ZDHHC15: variants seen among roughly 807,000 people sequenced by gnomAD.
ZDHHC15 encodes the protein palmitoyltransferase ZDHHC15.
ZDHHC15 carries 19 observed loss-of-function variants against 31.7 expected under a neutral mutation model. The observed-to-expected ratio is 0.60, with a 90% CI of 0.42 to 0.88. The LOEUF is 0.88. ZDHHC15 is among the 40% of genes least tolerant of loss of function. ZDHHC15 has a pLI of 0.00. For missense variants in ZDHHC15, 209 were observed against 251.2 expected (o/e 0.83, Z 1.14); for synonymous variants, 103 against 90.0 (o/e 1.14, Z -0.82).
intron 3 of ZDHHC15, among the ~76,000 whole-genome samples, chrX:75,467,056 A>T (rs1374580709): frequency 8.9e-6 from 1 of 112,311 alleles, no homozygotes; most frequent in African/African-American, 3.2e-5. Flanking sequence ...ATAAAAGTTT[A>T]AGACAAAGAA....
At chrX:75,518,769 G>GTATGTATATA (rs1556069823) in intron 1 of ZDHHC15, among the ~76,000 whole-genome samples, 1 of 32,586 alleles carries the variant, frequency 3.1e-5, no homozygotes, top group African/African-American at 1.8e-4. Flanking sequence ...TAACAAACTG[G>GTATGTATATA]TATATATATA....
At chrX:75,489,529 T>C (rs1021294884) in intron 2 of ZDHHC15, among the ~76,000 whole-genome samples, 1 of 110,841 alleles carries the variant, frequency 9.0e-6, no homozygotes, top group Non-Finnish European at 1.9e-5. Flanking sequence ...CAGCTGAGGG[T>C]CCTCACTGTT....
intron 4 of ZDHHC15, among the ~76,000 whole-genome samples, chrX:75,434,246 CACAT>C (rs1191721961): frequency 9.0e-6 from 1 of 111,323 alleles, no homozygotes; most frequent in Admixed American, 9.6e-5. Flanking sequence ...CGTCCCTTGT[CACAT>C]GCATAGTTTG....
intron 2 of ZDHHC15, among the ~76,000 whole-genome samples, chrX:75,489,637 G>A (rs2084841142): frequency 9.0e-6 from 1 of 111,622 alleles, no homozygotes; most frequent in South Asian, 3.7e-4. Flanking sequence ...CACAAAGATG[G>A]GGAAAAAACA....
In ZDHHC15 at chrX:75,429,944, A is replaced by G. The variant is rs1403364944; in HGVS notation, c.482+4T>C. ...GAGGAGAGAAATGAATCAAACAGACATACCAAGGGCAGTGATGATCCATTT... is the reference window on the plus strand; with the variant it reads ...GAGGAGAGAAATGAATCAAACAGACGTACCAAGGGCAGTGATGATCCATTT... On this transcript the variant is annotated splice_donor_region_variant and intron_variant, in intron 6 of 11. Transcript: ENST00000373367. 8.3e-7 allele frequency: 1 copy of G among 1,207,609 alleles called. No individual in the cohort carries two copies. Among genetic ancestry groups the G allele is most frequent in the Non-Finnish European group, 1.1e-6 (1 of 893,841 alleles).
intron 3 of ZDHHC15, among the ~76,000 whole-genome samples, chrX:75,468,969 C>T (rs1412253083): frequency 9.0e-6 from 1 of 111,727 alleles, no homozygotes; most frequent in Non-Finnish European, 1.9e-5. Context: ...CTTGACACAT[C>T]AGATACATGA....
intron 2 of ZDHHC15, among the ~76,000 whole-genome samples, chrX:75,480,129 C>A (rs1178136686): frequency 9.1e-6 from 1 of 110,039 alleles, no homozygotes; most frequent in African/African-American, 3.3e-5. Flanking sequence ...CTGAGCCTCT[C>A]ATACATTTAT....
chrX:75,401,030 A>G (rs2083350422), intron 10 of ZDHHC15, among the ~76,000 whole-genome samples: 1 of 111,064 alleles, frequency 9.0e-6, no homozygotes, highest in Admixed American at 9.6e-5. Context: ...TGAAGCTGGA[A>G]CGGATGCTGA....
At chrX:75,513,553 C>T (rs983161597) in intron 1 of ZDHHC15, among the ~76,000 whole-genome samples, 5 of 111,383 alleles carry the variant, frequency 4.5e-5, no homozygotes, top group Admixed American at 1.9e-4. Flanking sequence ...TCAGTAGAGG[C>T]TGTGAGGACA....
intron 4 of ZDHHC15, 32 bp downstream of exon 4, chrX:75,450,770 C>T (rs1163142994): frequency 2.5e-6 from 3 of 1,210,098 alleles, no homozygotes; most frequent in South Asian, 1.8e-5. Flanking sequence ...ACTTGCTGAG[C>T]TGCCTCTCTA....
chrX:75,460,749 A>G (rs1403772544), intron 3 of ZDHHC15, among the ~76,000 whole-genome samples: 6 of 111,707 alleles, frequency 5.4e-5, no homozygotes, highest in African/African-American at 2.0e-4. Context: ...AAACAACAAC[A>G]TCAACAGAAA....
intron 4 of ZDHHC15, among the ~76,000 whole-genome samples, chrX:75,440,125 G>A (rs968621224): frequency 8.9e-6 from 1 of 111,789 alleles, no homozygotes; most frequent in Non-Finnish European, 1.9e-5. Flanking sequence ...TTTTTTTATG[G>A]CCCTGGTTTT....
At chrX:75,522,864 A>T (rs751183190) in intron 1 of ZDHHC15, 25 bp downstream of exon 1, 20 of 1,208,620 alleles carry the variant, frequency 1.7e-5, no homozygotes, top group Non-Finnish European at 2.2e-5. Flanking sequence ...TAATTTCCCC[A>T]CCTTAGGTGC....
In ZDHHC15 at chrX:75,424,645, G is replaced by C; in HGVS notation, c.736+7C>G. The C allele has an allele frequency of 8.4e-7, 1 of 1,195,358 alleles. No homozygotes were observed. The highest frequency in any genetic ancestry group is 1.1e-6 in the Non-Finnish European group (1 of 889,520). On this transcript the variant is annotated splice_region_variant and intron_variant, in intron 8 of 11. Coordinates refer to ENST00000373367, the MANE Select transcript of ZDHHC15 (RefSeq NM_144969.3). ...TGTTTTTTCCTAATCTTAATATTCA[G>C]TCTTACCTAAGGTGGTTTTGTTTCT...
intron 2 of ZDHHC15, among the ~76,000 whole-genome samples, chrX:75,504,649 T>A (rs1270039003): frequency 1.8e-5 from 2 of 111,968 alleles, no homozygotes; most frequent in African/African-American, 3.2e-5. Context: ...CAAGTCTCAC[T>A]GGCTTATGCC....
At chrX:75,475,204 T>G (rs2084583092) in intron 3 of ZDHHC15, among the ~76,000 whole-genome samples, 1 of 112,622 alleles carries the variant, frequency 8.9e-6, no homozygotes, top group Non-Finnish European at 1.9e-5. Context: ...CTCTGTTAAA[T>G]GTATCCTTTG....
intron 10 of ZDHHC15, among the ~76,000 whole-genome samples, chrX:75,382,979 T>C (rs922848313): frequency 5.4e-5 from 6 of 112,011 alleles, no homozygotes; most frequent in Non-Finnish European, 1.1e-4. Context: ...TCTATCCATA[T>C]TTTTACACCT....
At chrX:75,514,647 C>G (rs2085327985) in intron 1 of ZDHHC15, among the ~76,000 whole-genome samples, 1 of 111,583 alleles carries the variant, frequency 9.0e-6, no homozygotes, top group African/African-American at 3.3e-5. Context: ...CCATGGGAAA[C>G]TATGACAGAT....
intron 8 of ZDHHC15, among the ~76,000 whole-genome samples, chrX:75,423,583 A>T (rs1257552763): frequency 2.0e-5 from 2 of 99,151 alleles, no homozygotes; most frequent in African/African-American, 7.5e-5. Flanking sequence ...CATTTTCTTT[A>T]TCTAGTTTGC....
Sources: allele counts gnomAD v4.1 joint callset (sites outside exome capture counted in the v4.1 genomes callset), GRCh38; gene constraint gnomAD v4.1.1; transcripts MANE v1.5; gene names NCBI Gene and HGNC (gene_info 2026-07-23, HGNC 2026-07-21).